ST6GALNAC3: variants seen among roughly 807,000 people sequenced by gnomAD.
ST6GALNAC3 encodes the protein alpha-N-acetylgalactosaminide alpha-2,6-sialyltransferase 3.
Under a neutral mutation model 32.7 loss-of-function variants are expected in ST6GALNAC3, and 25 were observed. The observed-to-expected ratio is 0.76, with a 90% CI of 0.56 to 1.07. The LOEUF (loss-of-function observed/expected upper bound fraction) is 1.07, where lower values mean the gene tolerates loss of function less well. Ranked by LOEUF, ST6GALNAC3 falls within the 50% of genes least tolerant of loss-of-function variation. The probability of loss-of-function intolerance (pLI) is 0.00; values close to 1 mark genes in which losing one functional copy is unlikely to be tolerated. For missense variants in ST6GALNAC3, 355 were observed against 382.4 expected, an observed-to-expected ratio of 0.93 and a Z score of 0.60; for synonymous variants, 129 against 133.1, an observed-to-expected ratio of 0.97 and a Z score of 0.21.
chr1:76,578,618 A>G (rs1306589080), intron 3 of ST6GALNAC3, among the ~76,000 whole-genome samples: 1 of 151,980 alleles, frequency 6.6e-6, no homozygotes, highest in South Asian at 2.1e-4. Context: ...AGTCGAGTGC[A>G]TTTTCTCCAG....
intron 1 of ST6GALNAC3, among the ~76,000 whole-genome samples, chr1:76,256,277 T>C (rs1462501423): frequency 1.3e-5 from 2 of 152,166 alleles, no homozygotes; most frequent in Non-Finnish European, 2.9e-5. Flanking sequence ...CTTGGAATAG[T>C]CGTTTCTAAA....
At position 76,611,438 on chromosome 1, in the gene ST6GALNAC3, G is replaced by T. The variant is rs1647926893; in HGVS notation, c.624-16014G>T. On this transcript the variant is annotated intron_variant, in intron 3 of 4. Coordinates refer to ENST00000328299, the MANE Select transcript of ST6GALNAC3 (RefSeq NM_152996.4). ...GAAACTGCTAAGATTACATGTCTCTGAGTTATTCTCTGTAATGTGATGAAT... is the reference window on the plus strand; with the variant it reads ...GAAACTGCTAAGATTACATGTCTCTTAGTTATTCTCTGTAATGTGATGAAT... Among the ~76,000 whole-genome samples, 3 of 152,050 alleles carry T rather than the reference G, an allele frequency of 2.0e-5. No homozygotes were observed. The South Asian group carries it at 6.2e-4, about 32-fold the overall frequency.
chr1:76,479,494 G>A (rs1659584519), intron 3 of ST6GALNAC3, among the ~76,000 whole-genome samples: 1 of 152,210 alleles, frequency 6.6e-6, no homozygotes, highest in South Asian at 2.1e-4. Flanking sequence ...AAGTCCAAGA[G>A]CATGCTGGTG....
intron 3 of ST6GALNAC3, among the ~76,000 whole-genome samples, chr1:76,559,187 C>G (rs1290419828): frequency 6.6e-6 from 1 of 151,988 alleles, no homozygotes; most frequent in Non-Finnish European, 1.5e-5. Context: ...TTCAAGAAGG[C>G]CAAATCTAGA....
Position 76,537,889 on chromosome 1 carries a change from C to CAA in ST6GALNAC3, c.624-89556_624-89555dup, listed in dbSNP as rs144080753. 7.9e-3 allele frequency among the ~76,000 whole-genome samples: 1,201 copies of CAA among 151,508 alleles called. 21 individuals carry two copies. The highest frequency in any genetic ancestry group is 0.028 in the African/African-American group (1,154 of 41,344). On this transcript the variant is annotated intron_variant, in intron 3 of 4. Transcript: ENST00000328299. ...GGGCAGTAATTAATAGCCTACCAACCAAAAAAAAGACCATGACCAGATGGA... is the reference window on the plus strand; with the variant it reads ...GGGCAGTAATTAATAGCCTACCAACCAAAAAAAAAAGACCATGACCAGATGGA...
intron 3 of ST6GALNAC3, among the ~76,000 whole-genome samples, chr1:76,418,981 G>A (rs1654843551): frequency 6.6e-6 from 1 of 151,014 alleles, no homozygotes; most frequent in African/African-American, 2.4e-5. Flanking sequence ...AGGTAGGGAA[G>A]GGCATTTGTA....
chr1:76,150,277 C>T (rs1650958873), intron 1 of ST6GALNAC3, among the ~76,000 whole-genome samples: 1 of 152,194 alleles, frequency 6.6e-6, no homozygotes, highest in Non-Finnish European at 1.5e-5. Context: ...GTGTGAAAAG[C>T]AGGCTTCGTT....
chr1:76,490,014 C>T (rs1480647157), intron 3 of ST6GALNAC3, among the ~76,000 whole-genome samples: 5 of 152,124 alleles, frequency 3.3e-5, no homozygotes, highest in Admixed American at 3.3e-4. Context: ...TAAGAAAATC[C>T]CACACTTGCT....
At chr1:76,132,960 A>G (rs1226587180) in intron 1 of ST6GALNAC3, among the ~76,000 whole-genome samples, 2 of 152,040 alleles carry the variant, frequency 1.3e-5, no homozygotes, top group African/African-American at 4.8e-5. Context: ...AAATTCCCCT[A>G]CAGTAGCATA....
At chr1:76,600,580 C>A (rs1647208585) in intron 3 of ST6GALNAC3, among the ~76,000 whole-genome samples, 1 of 152,188 alleles carries the variant, frequency 6.6e-6, no homozygotes, top group Non-Finnish European at 1.5e-5. Context: ...GCATGCCAGT[C>A]TCCACCTCAT....
chr1:76,602,636 C>G (rs1390726661), intron 3 of ST6GALNAC3, among the ~76,000 whole-genome samples: 1 of 151,656 alleles, frequency 6.6e-6, no homozygotes, highest in Non-Finnish European at 1.5e-5. Context: ...GAAAAACAGC[C>G]CCCAAAGCAC....
At chr1:76,171,874 TCACAGA>T (rs1652535528) in intron 1 of ST6GALNAC3, among the ~76,000 whole-genome samples, 1 of 17,876 alleles carries the variant, frequency 5.6e-5, no homozygotes, top group African/African-American at 8.2e-5. Context: ...CCAGACAGAT[TCACAGA>T]TTCACAGCTG....
At chr1:76,508,321 C>G (rs1332166244) in intron 3 of ST6GALNAC3, among the ~76,000 whole-genome samples, 1 of 152,146 alleles carries the variant, frequency 6.6e-6, no homozygotes, top group Non-Finnish European at 1.5e-5. Context: ...GCTCGCTTGC[C>G]CACCGCTCAC....
intron 3 of ST6GALNAC3, among the ~76,000 whole-genome samples, chr1:76,447,335 G>T (rs1315125688): frequency 6.6e-6 from 1 of 152,194 alleles, no homozygotes; most frequent in Admixed American, 6.5e-5. Context: ...AAGCATTCAA[G>T]AGGTGACTTG....
In ST6GALNAC3 at chr1:76,190,588, A is replaced by T. The variant is rs190147552; in HGVS notation, c.18+115704A>T. On this transcript the variant is annotated intron_variant, in intron 1 of 4. Transcript: ENST00000328299. ...CAGAAATGGTTCTTGCCTGTGGCTC[A>T]CATGGGCTTCAAGAATTTAATTTAC... Among the ~76,000 whole-genome samples the T allele has an allele frequency of 2.0e-5, 3 of 152,352 alleles. No homozygotes were observed. The East Asian group carries it at 5.8e-4, about 29-fold the overall frequency.
At chr1:76,356,092 C>T (rs756116611) in intron 2 of ST6GALNAC3, among the ~76,000 whole-genome samples, 1 of 152,076 alleles carries the variant, frequency 6.6e-6, no homozygotes, top group African/African-American at 2.4e-5. Flanking sequence ...ATTCTGGTTC[C>T]GTTCTTGCCA....
intron 1 of ST6GALNAC3, among the ~76,000 whole-genome samples, chr1:76,290,042 A>G (rs12124554): frequency 0.31 from 47,803 of 152,236 alleles, 8,594 homozygotes; most frequent in Non-Finnish European, 0.41. Flanking sequence ...ATTATCTCAC[A>G]AGCACTCTTT....
At position 76,631,800 on chromosome 1, in the gene ST6GALNAC3, A is replaced by G. The variant is rs1431222882; in HGVS notation, c.*2994A>G. 1 of 152,128 alleles carries G rather than the reference A, an allele frequency of 6.6e-6. No homozygotes were observed. Among genetic ancestry groups the G allele is most frequent in the East Asian group, 1.9e-4 (1 of 5,194 alleles). 9.4% of individuals were successfully genotyped at this position (152,128 alleles called of 1,614,324 possible). A position where few individuals can be genotyped will look rare whatever the true frequency, so the allele number is the denominator to read the frequency against. On this transcript the variant is annotated 3_prime_UTR_variant, in exon 5 of 5. Coordinates refer to ENST00000328299, the MANE Select transcript of ST6GALNAC3 (RefSeq NM_152996.4). ...AAAACATTCAAGATAAAAATAATAG[A>G]CTAAACATTATTTTCTGTTATGCAT...
intron 3 of ST6GALNAC3, among the ~76,000 whole-genome samples, chr1:76,442,660 C>G (rs1227850256): frequency 6.6e-6 from 1 of 152,092 alleles, no homozygotes. Flanking sequence ...TGACAAGAAC[C>G]CACTGATTTG....
Sources: gnomAD v4.1 joint callset for allele counts (sites outside exome capture counted in the v4.1 genomes callset) on GRCh38, gnomAD v4.1.1 for gene constraint, MANE v1.5 for transcripts, NCBI Gene and HGNC (gene_info 2026-07-23, HGNC 2026-07-21) for gene names.